Variants in PTCHD4 observed in about 807,000 individuals in gnomAD.
PTCHD4 encodes patched domain-containing protein 4.
PTCHD4 carries 33 observed loss-of-function variants against 58.1 expected under a neutral mutation model. The ratio of observed to expected loss-of-function variants is 0.57; its 90% CI spans 0.43 to 0.76. The LOEUF is 0.76. Among genes scored for constraint, PTCHD4 ranks in the 30% least tolerant of loss-of-function variants. The probability of loss-of-function intolerance (pLI) is 0.00; values close to 1 mark genes in which losing one functional copy is unlikely to be tolerated. For missense variants in PTCHD4, 1,058 were observed against 1,027.1 expected, an observed-to-expected ratio of 1.03 and a Z score of -0.41; for synonymous variants, 478 against 409.6, an observed-to-expected ratio of 1.17 and a Z score of -2.02.
intron 4 of PTCHD4, among the ~76,000 whole-genome samples, chr6:47,925,089 C>A (rs1765560415): frequency 6.7e-6 from 1 of 149,442 alleles, no homozygotes; most frequent in African/African-American, 2.5e-5. Flanking sequence ...GCACTTACAA[C>A]CAGACATTTT....
chr6:47,917,519 T>C (rs1581875377), intron 4 of PTCHD4, among the ~76,000 whole-genome samples: 1 of 152,166 alleles, frequency 6.6e-6, no homozygotes, highest in Non-Finnish European at 1.5e-5. Flanking sequence ...ATGTTTTCTT[T>C]ACTATTCCTT....
In PTCHD4 at chr6:47,858,214, TGATTTTATAG is replaced by T. The variant is rs1763341895; in HGVS notation, c.*20079_*20088del. On this transcript the variant is annotated 3_prime_UTR_variant, in exon 5 of 5. Coordinates refer to ENST00000339488, the MANE Select transcript of PTCHD4 (RefSeq NM_001384253.1). ...GAGGGAAGGTTTTCATAAACATACTTGATTTTATAGCAGGCACCCCCAATTTTGGATTCAG... is the reference window on the plus strand; with the variant it reads ...GAGGGAAGGTTTTCATAAACATACTTCAGGCACCCCCAATTTTGGATTCAG... Among the ~76,000 whole-genome samples the T allele has an allele frequency of 6.6e-6, 1 of 152,010 alleles. No individual in the cohort carries two copies. Among genetic ancestry groups the T allele is most frequent in the Admixed American group, 6.6e-5 (1 of 15,236 alleles).
At chr6:47,931,740 TGAC>T (rs1765829691) in intron 4 of PTCHD4, among the ~76,000 whole-genome samples, 1 of 151,090 alleles carries the variant, frequency 6.6e-6, no homozygotes, top group South Asian at 2.1e-4. Context: ...GGCCTGAAGC[TGAC>T]AAGTGTATTA....
chr6:48,082,471 C>T (rs988243524), intron 1 of PTCHD4, among the ~76,000 whole-genome samples: 1 of 151,944 alleles, frequency 6.6e-6, no homozygotes, highest in African/African-American at 2.4e-5. Flanking sequence ...GATGAAACCA[C>T]ACACACACAC....
intron 1 of PTCHD4, among the ~76,000 whole-genome samples, chr6:48,105,108 G>C (rs1765691017): frequency 1.3e-5 from 2 of 152,114 alleles, no homozygotes; most frequent in Admixed American, 1.3e-4. Context: ...AGACCTAATA[G>C]ACATCTACAG....
chr6:47,952,061 G>C (rs1021389198), intron 4 of PTCHD4, among the ~76,000 whole-genome samples: 61 of 152,126 alleles, frequency 4.0e-4, no homozygotes, highest in Non-Finnish European at 2.2e-4. Context: ...ACGGCTCAGA[G>C]AGGCTGGATG....
intron 4 of PTCHD4, among the ~76,000 whole-genome samples, chr6:47,914,766 A>G (rs559079196): frequency 2.7e-5 from 4 of 148,020 alleles, no homozygotes; most frequent in African/African-American, 1.0e-4. Context: ...CTATCTATCT[A>G]TCTATCTATC....
At chr6:48,055,862 G>A (rs1193739486) in intron 3 of PTCHD4, among the ~76,000 whole-genome samples, 1 of 152,174 alleles carries the variant, frequency 6.6e-6, no homozygotes, top group Non-Finnish European at 1.5e-5. Flanking sequence ...TCTTTGCCCT[G>A]TAGATACTGT....
At chr6:48,102,611 G>T (rs1414817978) in intron 1 of PTCHD4, among the ~76,000 whole-genome samples, 1 of 152,166 alleles carries the variant, frequency 6.6e-6, no homozygotes, top group Non-Finnish European at 1.5e-5. Flanking sequence ...CCGGACAGTG[G>T]GTGCAGGACA....
At position 47,919,606 on chromosome 6, in the gene PTCHD4, A is replaced by T. The variant is rs1469225677; in HGVS notation, c.899-39670T>A. On this transcript the variant is annotated intron_variant, in intron 4 of 4. Coordinates refer to ENST00000339488, the MANE Select transcript of PTCHD4 (RefSeq NM_001384253.1). The stretch of plus-strand genomic sequence containing the variant: ...TGAGCGTGCTTAGAGAGGGGAGAAA[A>T]TTATAAATAAAAGGAAGTGTCAGGG... Among the ~76,000 whole-genome samples the T allele has an allele frequency of 2.0e-5, 3 of 152,100 alleles. No individual in the cohort carries two copies. In the East Asian group the frequency reaches 5.8e-4, roughly 29 times the overall value.
chr6:48,108,015 A>G (rs1765774368), intron 1 of PTCHD4, among the ~76,000 whole-genome samples: 2 of 152,178 alleles, frequency 1.3e-5, no homozygotes, highest in South Asian at 2.1e-4. Context: ...ACTGTAAACT[A>G]GTTCAACCAT....
At chr6:47,956,987 A>C (rs1188609198) in intron 4 of PTCHD4, among the ~76,000 whole-genome samples, 1 of 151,708 alleles carries the variant, frequency 6.6e-6, no homozygotes, top group Non-Finnish European at 1.5e-5. Context: ...AACATGGTGA[A>C]ACCCTGTCTC....
intron 4 of PTCHD4, among the ~76,000 whole-genome samples, chr6:47,931,887 A>G (rs1186476835): frequency 3.3e-5 from 5 of 152,160 alleles, no homozygotes; most frequent in African/African-American, 1.2e-4. Flanking sequence ...AACCAGAATT[A>G]TAGTCATTTT....
At chr6:47,983,365 T>TA (rs1480951570) in intron 4 of PTCHD4, among the ~76,000 whole-genome samples, 1 of 152,200 alleles carries the variant, frequency 6.6e-6, no homozygotes, top group Non-Finnish European at 1.5e-5. Flanking sequence ...AAACTATGTT[T>TA]TTGAATTTCA....
chr6:48,067,549 A>G (rs1352259065), intron 3 of PTCHD4, among the ~76,000 whole-genome samples: 2 of 152,124 alleles, frequency 1.3e-5, no homozygotes, highest in Non-Finnish European at 2.9e-5. Context: ...TCCCTACTAC[A>G]TTCATAACTC....
In PTCHD4 at chr6:48,068,621, C is replaced by A; in HGVS notation, c.26G>T (p.Ser9Ile). The change falls in exon 3 of 5, where the codon AGC becomes ATC. Residue 9 changes from serine (S) to isoleucine (I), a missense_variant. Coordinates refer to ENST00000339488, the MANE Select transcript of PTCHD4 (RefSeq NM_001384253.1). The surrounding 1 kb of genome is among the most constrained non-coding windows in gnomAD (Gnocchi z 4.2). MRRPGAPA[S>I]WIWWRMLRQV... Reference sequence around the variant, plus strand: ...CCGCAGCATCCTCCACCAGATCCAGCTCGCAGGCGCTCCCGGCCGTCTTAA... The same window carrying A: ...CCGCAGCATCCTCCACCAGATCCAGATCGCAGGCGCTCCCGGCCGTCTTAA... 1 of 1,562,678 alleles carries A rather than the reference C, an allele frequency of 6.4e-7. No homozygotes were observed. Among genetic ancestry groups the A allele is most frequent in the Non-Finnish European group, 8.6e-7 (1 of 1,158,930 alleles).
rs551832632 is a variant in PTCHD4, at chr6:47,883,790, T to G, written c.899-3854A>C. 2.0e-5 allele frequency among the ~76,000 whole-genome samples: 3 copies of G among 152,162 alleles called. No homozygotes were observed. The South Asian group carries it at 6.2e-4, about 32-fold the overall frequency. ...ATGCCAGATGCACACCCCACAGTTA[T>G]AACAACCAAATATTTCTTCAGACAT... On this transcript the variant is annotated intron_variant, in intron 4 of 4. Coordinates refer to ENST00000339488, the MANE Select transcript of PTCHD4 (RefSeq NM_001384253.1).
Position 47,879,002 on chromosome 6 carries a change from A to C in PTCHD4, c.1833T>G (p.Thr611=). The change falls in exon 5 of 5, where the codon ACT becomes ACG. Residue 611 remains threonine (T), a synonymous_variant. Transcript: ENST00000339488. ...IASRLYLVAR[T]SRDKQKEITE... The stretch of plus-strand genomic sequence containing the variant: ...TGATTTCTTTCTGCTTGTCTCTGCT[A>C]GTCCTGGCCACCAGATACAAGCGAG... The C allele has an allele frequency of 1.2e-6, 2 of 1,613,358 alleles. No individual in the cohort carries two copies. The highest frequency in any genetic ancestry group is 1.7e-6 in the Non-Finnish European group (2 of 1,179,734).
Position 47,878,843 on chromosome 6 carries a change from A to G in PTCHD4, c.1992T>C (p.Gly664=). Residue 664 remains glycine, a synonymous_variant, in exon 5 of 5, where the codon GGT becomes GGC. Coordinates refer to ENST00000339488, the MANE Select transcript of PTCHD4 (RefSeq NM_001384253.1). Reference sequence around the variant, plus strand: ...AAGTCAGGATTAACACCAGGAGAACACCAAAGCCTGCAATCAGAACAGGCA... The same window carrying G: ...AAGTCAGGATTAACACCAGGAGAACGCCAAAGCCTGCAATCAGAACAGGCA... ...VTVPVLIAGF[G]VLLVLILTFF... is the part of the protein sequence containing the mutation. 6.2e-7 allele frequency: 1 copy of G among 1,613,784 alleles called. No homozygotes were observed. Among genetic ancestry groups the G allele is most frequent in the Non-Finnish European group, 8.5e-7 (1 of 1,179,786 alleles).
Sources: allele counts gnomAD v4.1 joint callset (sites outside exome capture counted in the v4.1 genomes callset), GRCh38; gene constraint gnomAD v4.1.1; non-coding constraint Gnocchi (gnomAD v3.1); transcripts MANE v1.5; gene names NCBI Gene and HGNC (gene_info 2026-07-23, HGNC 2026-07-21).